The following KLRG1 variants were observed in gnomAD, a reference collection of about 807,000 sequenced individuals.
The protein encoded by KLRG1 is killer cell lectin like receptor G1.
Under a neutral mutation model 21.8 loss-of-function variants are expected in KLRG1, and 16 were observed. The ratio of observed to expected loss-of-function variants is 0.73; its 90% CI spans 0.50 to 1.11. The LOEUF (loss-of-function observed/expected upper bound fraction) is 1.11. Among genes scored for constraint, KLRG1 ranks in the 50% most tolerant of loss-of-function variants. The pLI, the probability that KLRG1 is intolerant of heterozygous loss-of-function variation, is 0.00. For synonymous variants in KLRG1, 69 were observed against 75.9 expected (o/e 0.91, Z 0.47); for missense variants, 173 against 218.3 (o/e 0.79, Z 1.31).
At chr12:9,068,916 C>T in the KLRG1 span, 18 of 1,107,094 alleles carry the variant, frequency 1.6e-5, no homozygotes, top group African/African-American at 3.2e-5. Flanking sequence ...AAGTATTCAC[C>T]TGTTTTTTGG....
rs3026250 is a variant in KLRG1, at chr12:9,009,758, C to T, written c.*221C>T. The T allele has an allele frequency of 5.9e-3, 8,382 of 1,418,068 alleles. 197 individuals carry two copies. The African/African-American group carries it at 0.076, about 13-fold the overall frequency. 87.8% of individuals were successfully genotyped at this position (1,418,068 alleles called of 1,614,324 possible). On this transcript the variant is annotated 3_prime_UTR_variant, in exon 5 of 5. Transcript: ENST00000356986. ...TATGTGAGCAATTTAAAGACCAGAT[C>T]TAAGCAAATTTTGAAATAGATGTTT...
chr12:9,112,927 T>C, the KLRG1 span, among the ~76,000 whole-genome samples: 2 of 152,178 alleles, frequency 1.3e-5, no homozygotes, highest in East Asian at 3.8e-4. Flanking sequence ...ATCTCACATG[T>C]GGACAACTCT....
chr12:9,074,892 C>T, the KLRG1 span: 1 of 1,140,884 alleles, frequency 8.8e-7, no homozygotes, highest in South Asian at 1.6e-5. Flanking sequence ...CATTATAATC[C>T]CCTGTACTGT....
the KLRG1 span, among the ~76,000 whole-genome samples, chr12:9,024,018 A>AATT: frequency 4.2e-5 from 3 of 70,936 alleles, no homozygotes; most frequent in African/African-American, 1.8e-4. Context: ...GAACACATGG[A>AATT]TTTTTTTTTT....
At chr12:9,117,686 T>A in the KLRG1 span, among the ~76,000 whole-genome samples, 1 of 152,158 alleles carries the variant, frequency 6.6e-6, no homozygotes, top group East Asian at 1.9e-4. Flanking sequence ...GTTTGACATT[T>A]GAATCTTGAG....
chr12:9,038,918 A>AC, the KLRG1 span, among the ~76,000 whole-genome samples: 1 of 151,584 alleles, frequency 6.6e-6, no homozygotes, highest in Non-Finnish European at 1.5e-5. Context: ...AAAAAAAAAA[A>AC]ATTGAAACAA....
At chr12:9,098,665 C>T in the KLRG1 span, 8 of 1,610,754 alleles carry the variant, frequency 5.0e-6, no homozygotes, top group East Asian at 2.2e-5. Flanking sequence ...GTCCACAGCA[C>T]GGAGGGCGCA....
the KLRG1 span, chr12:9,152,718 T>C: frequency 8.3e-7 from 1 of 1,210,452 alleles, no homozygotes; most frequent in African/African-American, 1.5e-5. Flanking sequence ...ATATCAATTC[T>C]AAATTATATT....
chr12:9,142,320 TTACAC>T, the KLRG1 span, among the ~76,000 whole-genome samples: 11 of 152,166 alleles, frequency 7.2e-5, no homozygotes, highest in Non-Finnish European at 1.5e-4. Flanking sequence ...TATTAAAAAA[TTACAC>T]AAGCAAAGAT....
At chr12:9,192,114 T>C in the KLRG1 span, 1 of 1,233,892 alleles carries the variant, frequency 8.1e-7, no homozygotes, top group African/African-American at 1.5e-5. Flanking sequence ...GGAAACGATT[T>C]CCCATTTATG....
the KLRG1 span, among the ~76,000 whole-genome samples, chr12:9,215,093 C>T: frequency 2.0e-5 from 3 of 152,040 alleles, no homozygotes; most frequent in African/African-American, 4.8e-5. Flanking sequence ...ATTTTGCCCT[C>T]CTCCATTCTT....
the KLRG1 span, among the ~76,000 whole-genome samples, chr12:9,124,669 C>T: frequency 2.0e-5 from 3 of 152,222 alleles, no homozygotes; most frequent in African/African-American, 7.2e-5. Context: ...CCGGGAAGAC[C>T]CTCCCCTTCT....
chr12:9,123,494 A>G, the KLRG1 span, among the ~76,000 whole-genome samples: 3 of 152,212 alleles, frequency 2.0e-5, no homozygotes, highest in African/African-American at 7.2e-5. Context: ...CATATACAGC[A>G]TGGATACGCT....
chr12:9,135,618 A>G, the KLRG1 span: 1 of 245,342 alleles, frequency 4.1e-6, no homozygotes, highest in Non-Finnish European at 7.9e-6. Context: ...CTTATAGTGC[A>G]TGGATAAATT....
chr12:9,136,588 A>G, the KLRG1 span, among the ~76,000 whole-genome samples: 1 of 152,198 alleles, frequency 6.6e-6, no homozygotes, highest in Non-Finnish European at 1.5e-5. Context: ...ATATACAAAT[A>G]TAGATGAATA....
chr12:9,112,789 A>G, the KLRG1 span: 1 of 467,332 alleles, frequency 2.1e-6, no homozygotes, highest in Non-Finnish European at 3.9e-6. Context: ...AGCTCACAGA[A>G]ACAGTCTTGA....
chr12:8,983,754 G>A (rs749296249), intron 1 of KLRG1, among the ~76,000 whole-genome samples: 1 of 151,974 alleles, frequency 6.6e-6, no homozygotes. Context: ...TTTTGTTTCT[G>A]TTGAGAATTT....
chr12:9,186,264 G>A, the KLRG1 span, among the ~76,000 whole-genome samples: 2 of 152,220 alleles, frequency 1.3e-5, no homozygotes, highest in Admixed American at 6.5e-5. Flanking sequence ...AAGAAGCACT[G>A]AATATAAAAA....
chr12:9,166,396 G>A, the KLRG1 span, among the ~76,000 whole-genome samples: 2 of 152,138 alleles, frequency 1.3e-5, no homozygotes, highest in African/African-American at 2.4e-5. Context: ...GTCAAAGGTG[G>A]AAATTCTATG....
Sources: allele counts gnomAD v4.1 joint callset (sites outside exome capture counted in the v4.1 genomes callset), GRCh38; gene constraint gnomAD v4.1.1; transcripts MANE v1.5; gene names NCBI Gene and HGNC (gene_info 2026-07-23, HGNC 2026-07-21).